STS: variants seen among roughly 807,000 people sequenced by gnomAD.
STS encodes the protein steryl-sulfatase.
Under a neutral mutation model 26.8 loss-of-function variants are expected in STS, and 7 were observed. That is an observed-to-expected ratio of 0.26 (90% CI 0.15 to 0.49). STS has a LOEUF of 0.49. Ranked by LOEUF, STS falls within the 20% of genes least tolerant of loss-of-function variation. The pLI is 0.98. For synonymous variants in STS, 199 were observed against 189.4 expected (o/e 1.05, Z -0.42); for missense variants, 434 against 465.6 (o/e 0.93, Z 0.63).
At chrX:7,266,923 C>T (rs748154756) in intron 6 of STS, among the ~76,000 whole-genome samples, 1 of 112,062 alleles carries the variant, frequency 8.9e-6, no homozygotes, top group Non-Finnish European at 1.9e-5. Context: ...TTGTGCACCT[C>T]CCACACCCAT....
chrX:7,190,049 AG>A (rs1389495484), intron 1 of STS, among the ~76,000 whole-genome samples: 46 of 110,576 alleles, frequency 4.2e-4, no homozygotes, highest in African/African-American at 1.5e-3. Flanking sequence ...ATGGACAGGG[AG>A]GGGGATGGTT....
chrX:7,257,227 A>C lies in STS; in HGVS notation c.138-15A>C. On this transcript the variant is annotated splice_polypyrimidine_tract_variant and intron_variant, in intron 3 of 10. Transcript: ENST00000674429. ...AATGAAAATGATCACAAATGCTATG[A>C]TTCTTTTGTTCTAGGACTCCCAATA... is the stretch of plus-strand genomic sequence containing the variant. 8.3e-7 allele frequency: 1 copy of C among 1,209,407 alleles called. No individual in the cohort carries two copies. Among genetic ancestry groups the C allele is most frequent in the South Asian group, 1.8e-5 (1 of 56,934 alleles).
chrX:7,323,809 C>A (rs780777150), intron 8 of STS, among the ~76,000 whole-genome samples: 1 of 111,536 alleles, frequency 9.0e-6, no homozygotes, highest in Non-Finnish European at 1.9e-5. Context: ...AATCTTATTC[C>A]TTGCCTTATC....
intron 8 of STS, among the ~76,000 whole-genome samples, chrX:7,322,203 G>A (rs1416029903): frequency 8.9e-6 from 1 of 112,298 alleles, no homozygotes; most frequent in African/African-American, 3.2e-5. Flanking sequence ...TAGGAGAGGG[G>A]AGAAGAGGAC....
At chrX:7,254,092 C>T (rs1350850656) in intron 3 of STS, among the ~76,000 whole-genome samples, 1 of 111,815 alleles carries the variant, frequency 8.9e-6, no homozygotes, top group African/African-American at 3.3e-5. Flanking sequence ...CCAAAGACCC[C>T]ACCTCCTAAT....
Position 7,159,931 on chromosome X carries a change from G to A in STS, c.-134+11848G>A, listed in dbSNP as rs191046802. ...AAATGATTATTCACACACGATGAGC[G>A]TTCGGCTGGGATACTTGTCCAATGT... On this transcript the variant is annotated intron_variant, in intron 1 of 10. Coordinates refer to ENST00000674429, the MANE Select transcript of STS (RefSeq NM_001320752.2). Among the ~76,000 whole-genome samples the A allele has an allele frequency of 5.2e-3, 581 of 112,165 alleles. 5 individuals carry two copies. Among genetic ancestry groups the A allele is most frequent in the Non-Finnish European group, 8.6e-3 (456 of 53,252 alleles).
At chrX:7,254,895 T>C (rs1247101631) in intron 3 of STS, among the ~76,000 whole-genome samples, 10 of 111,916 alleles carry the variant, frequency 8.9e-5, no homozygotes, top group African/African-American at 2.9e-4. Flanking sequence ...AACTTTCTTG[T>C]AGGATATGTG....
chrX:7,223,387 C>G (rs563005733), intron 2 of STS, among the ~76,000 whole-genome samples: 1 of 112,286 alleles, frequency 8.9e-6, no homozygotes, highest in South Asian at 3.6e-4. Flanking sequence ...GTTCCATTTT[C>G]TCTGCATTCT....
intron 1 of STS, among the ~76,000 whole-genome samples, chrX:7,149,013 C>T (rs920399922): frequency 9.3e-6 from 1 of 108,022 alleles, no homozygotes; most frequent in Non-Finnish European, 1.9e-5. Context: ...ATTTCGTGTT[C>T]GTTTATGTGG....
At chrX:7,229,124 G>A (rs908049942) in intron 2 of STS, among the ~76,000 whole-genome samples, 1 of 112,121 alleles carries the variant, frequency 8.9e-6, no homozygotes, top group Non-Finnish European at 1.9e-5. Flanking sequence ...CATGTCATAC[G>A]TGCAAACATA....
At chrX:7,341,633 T>C (rs968463956) in intron 10 of STS, among the ~76,000 whole-genome samples, 2 of 111,715 alleles carry the variant, frequency 1.8e-5, no homozygotes, top group African/African-American at 6.5e-5. Context: ...AGGCTGGAGA[T>C]GGTGCAGAGC....
intron 7 of STS, among the ~76,000 whole-genome samples, chrX:7,295,446 G>A (rs932864306): frequency 9.0e-6 from 1 of 111,016 alleles, no homozygotes; most frequent in African/African-American, 3.3e-5. Context: ...TTATTGTTAT[G>A]ATTACTCTTC....
intron 2 of STS, among the ~76,000 whole-genome samples, chrX:7,234,574 G>C (rs1808940541): frequency 8.9e-6 from 1 of 112,239 alleles, no homozygotes; most frequent in African/African-American, 3.2e-5. Flanking sequence ...ACTCCAGTCA[G>C]AGGCAGCTCT....
intron 1 of STS, among the ~76,000 whole-genome samples, chrX:7,186,349 T>C (rs1933772000): frequency 9.0e-6 from 1 of 110,923 alleles, no homozygotes; most frequent in Admixed American, 9.5e-5. Flanking sequence ...ACAAGGAGAG[T>C]GTTCTGGGCT....
chrX:7,324,153 A>C (rs1339068488), intron 8 of STS, among the ~76,000 whole-genome samples: 1 of 107,832 alleles, frequency 9.3e-6, no homozygotes, highest in Non-Finnish European at 1.9e-5. Context: ...GAAAGGTAGC[A>C]TGAGTCAAAA....
chrX:7,284,136 A>C (rs984344185), intron 7 of STS, among the ~76,000 whole-genome samples: 2 of 112,131 alleles, frequency 1.8e-5, no homozygotes, highest in African/African-American at 6.5e-5. Flanking sequence ...GTTTACTTGC[A>C]TAATGGTTTA....
In STS at chrX:7,308,950, CTTTCTAAACAATGATGACTTCTA is replaced by C. The variant is rs1288037379; in HGVS notation, c.1081+3768_1081+3790del. On this transcript the variant is annotated intron_variant, in intron 8 of 10. Coordinates refer to ENST00000674429, the MANE Select transcript of STS (RefSeq NM_001320752.2). Reference sequence around the variant, plus strand: ...TTAACACCCTGTTTAAAATAGCATCCTTTCTAAACAATGATGACTTCTACTGTCCATCAAAACCCTTCAAAGGA... The same window carrying C: ...TTAACACCCTGTTTAAAATAGCATCCCTGTCCATCAAAACCCTTCAAAGGA... 5.4e-5 allele frequency among the ~76,000 whole-genome samples: 6 copies of C among 111,895 alleles called. No individual in the cohort carries two copies. The East Asian group carries it at 1.7e-3, about 32-fold the overall frequency.
intron 7 of STS, among the ~76,000 whole-genome samples, chrX:7,288,073 T>C (rs1390033935): frequency 9.0e-6 from 1 of 110,799 alleles, no homozygotes; most frequent in Non-Finnish European, 1.9e-5. Context: ...ATTGTAGATC[T>C]TTTTCTTATT....
At chrX:7,229,072 A>G (rs1230242701) in intron 2 of STS, among the ~76,000 whole-genome samples, 1 of 112,607 alleles carries the variant, frequency 8.9e-6, no homozygotes, top group Non-Finnish European at 1.9e-5. Context: ...CTTAAAGGAT[A>G]TAGATGAAAT....
Sources: gnomAD v4.1 joint callset for allele counts (sites outside exome capture counted in the v4.1 genomes callset) on GRCh38, gnomAD v4.1.1 for gene constraint, MANE v1.5 for transcripts, NCBI Gene and HGNC (gene_info 2026-07-23, HGNC 2026-07-21) for gene names.